Variants in MBP observed in about 807,000 individuals in gnomAD.
MBP encodes myelin basic protein.
In MBP, 16 loss-of-function variants were observed where a neutral mutation model predicts 35.8. The ratio of observed to expected loss-of-function variants is 0.45; its 90% CI spans 0.30 to 0.68. The LOEUF (loss-of-function observed/expected upper bound fraction) is 0.68. Ranked by LOEUF, MBP falls within the 30% of genes least tolerant of loss-of-function variation. The pLI is 0.08. For missense variants in MBP, 380 were observed against 404.7 expected, an observed-to-expected ratio of 0.94 and a Z score of 0.52; for synonymous variants, 143 against 159.6, an observed-to-expected ratio of 0.90 and a Z score of 0.78.
intron 2 of MBP, among the ~76,000 whole-genome samples, chr18:77,096,228 AT>A (rs1164190116): frequency 2.6e-5 from 4 of 152,246 alleles, no homozygotes; most frequent in Non-Finnish European, 4.4e-5. Flanking sequence ...TTCTATTTAC[AT>A]GTTGATGGAA....
chr18:77,130,309 G>C (rs1265137637), intron 1 of MBP, among the ~76,000 whole-genome samples: 1 of 151,078 alleles, frequency 6.6e-6, no homozygotes, highest in Non-Finnish European at 1.5e-5. Context: ...GCAGTCAGGC[G>C]CTGGTGCAGA....
Position 77,105,220 on chromosome 18 carries a change from C to A in MBP, c.42G>T (p.Lys14Asn). 6.2e-7 allele frequency: 1 copy of A among 1,612,858 alleles called. No homozygotes were observed. Among genetic ancestry groups the A allele is most frequent in the East Asian group, 2.2e-5 (1 of 44,840 alleles). The change falls in exon 2 of 9, where the codon AAG becomes AAT. Residue 14 changes from lysine to asparagine, a missense_variant. Coordinates refer to ENST00000355994, the MANE Select transcript of MBP (RefSeq NM_001025101.2). ...HAGKRELNAE[K>N]ASTNSETNRG... ...TCAGCTCACGTCTTACCGTACTGGCCTTCTCGGCATTTAATTCTCGTTTGC... is the reference window on the plus strand; with the variant it reads ...TCAGCTCACGTCTTACCGTACTGGCATTCTCGGCATTTAATTCTCGTTTGC...
rs60620279 is a variant in MBP, at chr18:77,064,542, A to T, written c.139+1756T>A. ...GGGCCTTTGAGTTATGTTGATTTTC[A>T]TGGACGCTTAAGATATTGAAACAGT... On this transcript the variant is annotated intron_variant, in intron 3 of 8. Transcript: ENST00000355994. Among the ~76,000 whole-genome samples the T allele has an allele frequency of 8.4e-3, 1,277 of 152,294 alleles. 18 individuals are homozygous for T. The highest frequency in any genetic ancestry group is 0.029 in the African/African-American group (1,206 of 41,550).
chr18:77,112,056 A>G (rs528263086), intron 1 of MBP, among the ~76,000 whole-genome samples: 40 of 152,168 alleles, frequency 2.6e-4, no homozygotes, highest in African/African-American at 8.9e-4. Flanking sequence ...GTGTTCTGCA[A>G]GCAATCATTT....
intron 3 of MBP, among the ~76,000 whole-genome samples, chr18:77,037,851 C>T (rs118010961): frequency 0.018 from 2,666 of 152,274 alleles, 59 homozygotes; most frequent in East Asian, 0.098. Context: ...GACGGGCCTC[C>T]GAACAGGCCT....
In MBP at chr18:76,985,273, C is replaced by T. The variant is rs769707095; in HGVS notation, c.751-379G>A. Reference sequence around the variant, plus strand: ...CAAATCAAGGTAAGGAGGCTCCTGCCTACACGGGTTTGGAGGACTCGGACC... The same window carrying T: ...CAAATCAAGGTAAGGAGGCTCCTGCTTACACGGGTTTGGAGGACTCGGACC... On this transcript the variant is annotated intron_variant, in intron 7 of 8. Coordinates refer to ENST00000355994, the MANE Select transcript of MBP (RefSeq NM_001025101.2). The T allele has an allele frequency of 3.8e-5, 50 of 1,323,572 alleles. No homozygotes were observed. The Middle Eastern group carries it at 8.4e-4, about 22-fold the overall frequency. 82.0% of individuals were successfully genotyped at this position (1,323,572 alleles called of 1,614,324 possible).
rs1390912491 is a variant in MBP at position 77,121,266 on chromosome 18, C to G, written c.-26+11314G>C. On this transcript the variant is annotated intron_variant, in intron 1 of 8. Transcript: ENST00000355994. ...TTGAGGGGTCAGTGAGCTGTGATCA[C>G]ACCACTGCACTCCAGACTGGGCAAC... 2.0e-5 allele frequency among the ~76,000 whole-genome samples: 3 copies of G among 151,328 alleles called. No individual in the cohort carries two copies. In the East Asian group the frequency reaches 5.8e-4, roughly 29 times the overall value.
chr18:77,126,876 G>T (rs1029445240), intron 1 of MBP, among the ~76,000 whole-genome samples: 2 of 152,192 alleles, frequency 1.3e-5, no homozygotes, highest in African/African-American at 4.8e-5. Flanking sequence ...ATTGATGAAA[G>T]AAGTTAAAGA....
At chr18:76,992,290 AC>A (rs1969975636) in intron 4 of MBP, among the ~76,000 whole-genome samples, 1 of 152,172 alleles carries the variant, frequency 6.6e-6, no homozygotes, top group Admixed American at 6.5e-5. Context: ...TAAGGAGTGC[AC>A]AACCTCGATC....
In MBP at chr18:76,988,380, G is replaced by T. The variant is rs753878418; in HGVS notation, c.750+115C>A. On this transcript the variant is annotated intron_variant, in intron 7 of 8. Coordinates refer to ENST00000355994, the MANE Select transcript of MBP (RefSeq NM_001025101.2). The surrounding 1 kb of genome is among the most constrained non-coding windows in gnomAD (Gnocchi z 5.2). ...TCCCAGCTGTGGGCAGAGAGGTCTC[G>T]AGAGGAGAGAAAAGGAGGCCAGGAA... 5.0e-6 allele frequency: 8 copies of T among 1,613,466 alleles called. No homozygotes were observed. Among genetic ancestry groups the T allele is most frequent in the East Asian group, 4.5e-5 (2 of 44,854 alleles).
At chr18:77,018,954 A>G (rs1316851247) in intron 3 of MBP, among the ~76,000 whole-genome samples, 2 of 143,920 alleles carry the variant, frequency 1.4e-5, no homozygotes, top group African/African-American at 5.3e-5. Flanking sequence ...TCATCCATCC[A>G]TCTATCCATT....
intron 4 of MBP, among the ~76,000 whole-genome samples, chr18:76,991,431 A>C (rs1028376504): frequency 4.6e-5 from 7 of 152,196 alleles, no homozygotes; most frequent in Admixed American, 3.9e-4. Context: ...CACAGGGGAC[A>C]TAGGCGACGC....
At chr18:77,117,782 GTC>G in intron 1 of MBP, among the ~76,000 whole-genome samples, 1 of 98,472 alleles carries the variant, frequency 1.0e-5, no homozygotes, top group Non-Finnish European at 2.0e-5. Flanking sequence ...TGGGATGGGG[GTC>G]AGTGGGTTGG....
In MBP at chr18:76,980,222, C is replaced by A; in HGVS notation, c.*205G>T. 1 of 666,968 alleles carries A rather than the reference C, an allele frequency of 1.5e-6. No homozygotes were observed. The highest frequency in any genetic ancestry group is 2.7e-6 in the Non-Finnish European group (1 of 369,664). The allele number at this position is 666,968 out of a possible 1,614,324, so 41.3% of individuals were successfully genotyped here. On this transcript the variant is annotated 3_prime_UTR_variant, in exon 9 of 9. Transcript: ENST00000355994. ...TCACACAGAAAGGGACAGTTTTAAC[C>A]GTTTTCTGTTTTCATGTTCTCATTT...
chr18:77,116,615 C>T (rs969067515), intron 1 of MBP, among the ~76,000 whole-genome samples: 1 of 152,196 alleles, frequency 6.6e-6, no homozygotes, highest in Admixed American at 6.5e-5. Flanking sequence ...CCCCACTTTA[C>T]AGACGTTGAA....
At chr18:77,068,758 A>G (rs1217280823) in intron 2 of MBP, among the ~76,000 whole-genome samples, 3 of 152,198 alleles carry the variant, frequency 2.0e-5, no homozygotes, top group Non-Finnish European at 4.4e-5. Context: ...GTTCAAACTC[A>G]CTAGTAATCA....
chr18:77,029,363 A>C (rs1198419681), intron 3 of MBP, among the ~76,000 whole-genome samples: 3 of 145,722 alleles, frequency 2.1e-5, no homozygotes, highest in South Asian at 2.3e-4. Flanking sequence ...TGGCAGCAGT[A>C]CAGTCCAGCT....
chr18:77,009,703 C>G (rs935342435), intron 4 of MBP: 1 of 704,308 alleles, frequency 1.4e-6, no homozygotes, highest in African/African-American at 1.8e-5. Context: ...GCCTGCCTCC[C>G]TGCTTTCACG....
intron 3 of MBP, among the ~76,000 whole-genome samples, chr18:77,042,325 ACT>A (rs913577729): frequency 2.6e-5 from 4 of 151,440 alleles, no homozygotes; most frequent in African/African-American, 7.3e-5. Context: ...AGGGGATCTG[ACT>A]CTCAGCCCTG....
Sources: gnomAD v4.1 joint callset for allele counts (sites outside exome capture counted in the v4.1 genomes callset) on GRCh38, gnomAD v4.1.1 for gene constraint, Gnocchi (gnomAD v3.1) non-coding constraint, MANE v1.5 for transcripts, NCBI Gene and HGNC (gene_info 2026-07-23, HGNC 2026-07-21) for gene names.